The following SIRT1 variants were observed in gnomAD, a reference collection of about 807,000 sequenced individuals.
The protein encoded by SIRT1 is sirtuin 1.
SIRT1 carries 24 observed loss-of-function variants against 67.9 expected under a neutral mutation model. The observed-to-expected ratio is 0.35, with a 90% CI of 0.26 to 0.50. The LOEUF (loss-of-function observed/expected upper bound fraction) is 0.50, where lower values mean the gene tolerates loss of function less well. Ranked by LOEUF, SIRT1 falls within the 20% of genes least tolerant of loss-of-function variation. The pLI, the probability that SIRT1 is intolerant of heterozygous loss-of-function variation, is 0.98. For synonymous variants in SIRT1, 378 were observed against 350.7 expected (o/e 1.08, Z -0.87); for missense variants, 873 against 937.2 (o/e 0.93, Z 0.89).
chr10:67,893,045 G>C (rs1477982232), intron 4 of SIRT1, among the ~76,000 whole-genome samples: 1 of 152,126 alleles, frequency 6.6e-6, no homozygotes, highest in Non-Finnish European at 1.5e-5. Context: ...TTAGAAAACT[G>C]TTTTCTTTCC....
chr10:67,900,916 G>T (rs1226230089), intron 4 of SIRT1, among the ~76,000 whole-genome samples: 1 of 151,986 alleles, frequency 6.6e-6, no homozygotes, highest in African/African-American at 2.4e-5. Context: ...TATTTTTATG[G>T]ATATATAATA....
chr10:67,891,426 G>T lies in SIRT1; in HGVS notation c.814G>T (p.Asp272Tyr). Residue 272 changes from aspartate to tyrosine, a missense_variant, in exon 4 of 9, where the codon GAC becomes TAC. Around this residue, in one of 3 missense-constraint regions of SIRT1, gnomAD observed 251 missense variants for 358.8 expected, o/e 0.70. Coordinates refer to ENST00000212015, the MANE Select transcript of SIRT1 (RefSeq NM_012238.5). Reference protein sequence around the residue: ...AGVSVSCGIPDFRSRDGIYAR... With the variant: ...AGVSVSCGIPYFRSRDGIYAR... Reference sequence around the variant, plus strand: ...GGTGTCTGTTTCATGTGGAATACCTGACTTCAGGTCAAGGGATGGTATTTA... The same window carrying T: ...GGTGTCTGTTTCATGTGGAATACCTTACTTCAGGTCAAGGGATGGTATTTA... 1 of 1,614,018 alleles carries T rather than the reference G, an allele frequency of 6.2e-7. No homozygotes were observed. Among genetic ancestry groups the T allele is most frequent in the South Asian group, 1.1e-5 (1 of 91,050 alleles).
chr10:67,897,971 T>TA (rs1177536827), intron 4 of SIRT1, among the ~76,000 whole-genome samples: 1 of 110,346 alleles, frequency 9.1e-6, no homozygotes, highest in Non-Finnish European at 1.9e-5. Context: ...TTTTTTTTTT[T>TA]AAGTAGGACT....
Position 67,916,278 on chromosome 10 carries a change from G to GT in SIRT1, c.1934dup (p.Leu645PhefsTer12). 6.3e-7 allele frequency: 1 copy of GT among 1,599,140 alleles called. No individual in the cohort carries two copies. The highest frequency in any genetic ancestry group is 8.6e-7 in the Non-Finnish European group (1 of 1,167,718). The stretch of plus-strand genomic sequence containing the variant: ...ACTGTATTTCAGGTAATCAGTATCT[G>GT]TTTTTGCCACCAAATCGTTACATTT... On this transcript the variant is annotated frameshift_variant, in exon 9 of 9. Transcript: ENST00000212015. LOFTEE classifies it high-confidence loss of function.
At chr10:67,906,248 TA>T in intron 4 of SIRT1, 1 of 1,583,166 alleles carries the variant, frequency 6.3e-7, no homozygotes, top group Non-Finnish European at 8.6e-7. Context: ...CTCTATACTA[TA>T]CCAGTATGTG....
At chr10:67,905,600 T>G (rs922762940) in intron 4 of SIRT1, among the ~76,000 whole-genome samples, 2 of 152,184 alleles carry the variant, frequency 1.3e-5, no homozygotes, top group Non-Finnish European at 2.9e-5. Context: ...AGGTAAAAAG[T>G]CATCTTTAAT....
chr10:67,907,765 A>G (rs923392848), intron 5 of SIRT1, among the ~76,000 whole-genome samples: 9 of 152,144 alleles, frequency 5.9e-5, no homozygotes, highest in African/African-American at 2.2e-4. Context: ...AGTTTTGTTG[A>G]AAAGAGTAGC....
Position 67,891,567 on chromosome 10 carries a change from C to T in SIRT1, c.942+13C>T. On this transcript the variant is annotated intron_variant, in intron 4 of 8. Coordinates refer to ENST00000212015, the MANE Select transcript of SIRT1 (RefSeq NM_012238.5). The stretch of plus-strand genomic sequence containing the variant: ...CAAGTTTGCAAAGGTACTATGAACT[C>T]TTCTGGTTGTTTCTTTGGCCTTCTC... 1.9e-6 allele frequency: 3 copies of T among 1,612,328 alleles called. No individual in the cohort carries two copies. Among genetic ancestry groups the T allele is most frequent in the Non-Finnish European group, 1.7e-6 (2 of 1,179,054 alleles).
intron 4 of SIRT1, chr10:67,906,427 G>T: frequency 1.1e-6 from 1 of 888,322 alleles, no homozygotes; most frequent in Non-Finnish European, 1.6e-6. Context: ...TGTAATTTTA[G>T]TTTAAACTTT....
In SIRT1 at chr10:67,905,471, A is replaced by G. The variant is rs372907792; in HGVS notation, c.943-1319A>G. On this transcript the variant is annotated intron_variant, in intron 4 of 8. Coordinates refer to ENST00000212015, the MANE Select transcript of SIRT1 (RefSeq NM_012238.5). ...GGATTCTTTATACGAGGTTTTTAGCAGCATGTGTACATGTATGTGATAGCT... is the reference window on the plus strand; with the variant it reads ...GGATTCTTTATACGAGGTTTTTAGCGGCATGTGTACATGTATGTGATAGCT... Among the ~76,000 whole-genome samples the G allele has an allele frequency of 1.1e-4, 17 of 152,368 alleles. No individual in the cohort carries two copies. The South Asian group carries it at 3.3e-3, about 30-fold the overall frequency.
chr10:67,886,332 C>A (rs533881984), intron 1 of SIRT1, among the ~76,000 whole-genome samples: 1 of 151,810 alleles, frequency 6.6e-6, no homozygotes, highest in African/African-American at 2.4e-5. Flanking sequence ...GTGGCTCTTT[C>A]GTGTAATCCT....
At chr10:67,904,125 TTG>T (rs751874764) in intron 4 of SIRT1, among the ~76,000 whole-genome samples, 25 of 133,594 alleles carry the variant, frequency 1.9e-4, no homozygotes, top group Admixed American at 4.3e-4. Context: ...TTTTTTTTGT[TTG>T]TTTTTTTTTT....
rs923130438 is a variant in SIRT1, at chr10:67,895,760, T to G, written c.942+4206T>G. Among the ~76,000 whole-genome samples, 519 of 137,044 alleles carry G rather than the reference T, an allele frequency of 3.8e-3. 8 individuals are homozygous for G. Among genetic ancestry groups the G allele is most frequent in the Non-Finnish European group, 6.2e-3 (399 of 64,780 alleles). 89.9% of individuals were successfully genotyped at this position (137,044 alleles called of 152,430 possible). A position where few individuals can be genotyped will look rare whatever the true frequency, so the allele number is the denominator to read the frequency against. On this transcript the variant is annotated intron_variant, in intron 4 of 8. Coordinates refer to ENST00000212015, the MANE Select transcript of SIRT1 (RefSeq NM_012238.5). ...TTTTTTTTTTTTTGTTTTTTTTTTT[T>G]GAGACAGTTTTGCTCTTGTCACCCA...
intron 8 of SIRT1, among the ~76,000 whole-genome samples, chr10:67,915,094 A>G (rs772522473): frequency 1.4e-4 from 21 of 152,016 alleles, no homozygotes; most frequent in Non-Finnish European, 2.4e-4. Flanking sequence ...TGGTTTTCAC[A>G]GTGATTTGTA....
intron 4 of SIRT1, among the ~76,000 whole-genome samples, chr10:67,897,553 G>A (rs1038139575): frequency 1.2e-4 from 18 of 151,940 alleles, no homozygotes; most frequent in African/African-American, 3.9e-4. Flanking sequence ...TAGTAGAGAC[G>A]GGGTTTCACC....
chr10:67,913,216 GTGTT>G (rs1486261478), intron 8 of SIRT1, among the ~76,000 whole-genome samples, 185 bp downstream of exon 8: 3 of 152,186 alleles, frequency 2.0e-5, no homozygotes, highest in African/African-American at 7.2e-5. Flanking sequence ...GGAGAAGGAA[GTGTT>G]TAATAGTGCT....
intron 4 of SIRT1, among the ~76,000 whole-genome samples, chr10:67,904,666 A>T (rs1589079485): frequency 6.6e-6 from 1 of 151,862 alleles, no homozygotes. Context: ...ACCAACATGG[A>T]GAAACCCCGT....
At chr10:67,910,322 C>T (rs1249996210) in intron 7 of SIRT1, among the ~76,000 whole-genome samples, 1 of 152,056 alleles carries the variant, frequency 6.6e-6, no homozygotes, top group Non-Finnish European at 1.5e-5. Flanking sequence ...TTGCAATGAG[C>T]CGAGAATGTG....
intron 4 of SIRT1, among the ~76,000 whole-genome samples, chr10:67,904,127 GTTTT>G (rs1401398689): frequency 2.1e-5 from 3 of 140,050 alleles, no homozygotes; most frequent in African/African-American, 5.3e-5. Context: ...TTTTTTGTTT[GTTTT>G]TTTTTTTTTT....
Sources: allele counts gnomAD v4.1 joint callset (sites outside exome capture counted in the v4.1 genomes callset), GRCh38; gene constraint gnomAD v4.1.1; regional missense constraint gnomAD v4.1.1; transcripts MANE v1.5; gene names NCBI Gene and HGNC (gene_info 2026-07-23, HGNC 2026-07-21).